Variants in ASTN1 observed in about 807,000 individuals in gnomAD.
ASTN1 encodes the protein astrotactin-1.
ASTN1 carries 41 observed loss-of-function variants against 140.7 expected under a neutral mutation model. That is an observed-to-expected ratio of 0.29 (90% CI 0.23 to 0.38). The LOEUF (loss-of-function observed/expected upper bound fraction) is 0.38. ASTN1 is among the 10% of genes least tolerant of loss of function. The pLI is 1.00. For synonymous variants in ASTN1, 640 were observed against 652.2 expected (o/e 0.98, Z 0.29); for missense variants, 1,479 against 1,678.8 (o/e 0.88, Z 2.08).
rs535691186 is a variant in ASTN1 at position 176,999,323 on chromosome 1, T to C, written c.1523+15468A>G. ...AAGACAAAATCCCAAGCTAGGGCCATGGCCATTTATGGAGACTTCTCCAGG... is the reference window on the plus strand; with the variant it reads ...AAGACAAAATCCCAAGCTAGGGCCACGGCCATTTATGGAGACTTCTCCAGG... On this transcript the variant is annotated intron_variant, in intron 8 of 22. Transcript: ENST00000361833. 1.4e-4 allele frequency among the ~76,000 whole-genome samples: 22 copies of C among 152,320 alleles called. 1 individual carries two copies. The South Asian group carries it at 4.1e-3, about 29-fold the overall frequency.
At chr1:176,860,372 C>A (rs1358169323), downstream of ASTN1, among the ~76,000 whole-genome samples, 1 of 152,214 alleles carries the variant, frequency 6.6e-6, no homozygotes, top group African/African-American at 2.4e-5. Flanking sequence ...CTGATCATTA[C>A]TTTTCAAGAG....
chr1:176,936,052 C>G (rs1164073091), intron 15 of ASTN1: 5 of 629,030 alleles, frequency 7.9e-6, no homozygotes, highest in Non-Finnish European at 1.5e-5. Context: ...CTTCTGTAGT[C>G]CAAGATAACA....
intron 1 of ASTN1, among the ~76,000 whole-genome samples, chr1:177,065,041 T>C (rs536512821): frequency 6.6e-6 from 1 of 152,306 alleles, no homozygotes; most frequent in Non-Finnish European, 1.5e-5. Flanking sequence ...AAGCCTGCCA[T>C]GAGGCTCGCA....
At chr1:177,125,450 C>A (rs1421872146) in intron 1 of ASTN1, among the ~76,000 whole-genome samples, 1 of 152,096 alleles carries the variant, frequency 6.6e-6, no homozygotes, top group Non-Finnish European at 1.5e-5. Flanking sequence ...TTGACAAAGG[C>A]CAAGTAGTCT....
At chr1:176,925,375 A>G (rs1011770920) in intron 16 of ASTN1, among the ~76,000 whole-genome samples, 4 of 152,186 alleles carry the variant, frequency 2.6e-5, no homozygotes, top group Non-Finnish European at 4.4e-5. Flanking sequence ...CTTGGAACTA[A>G]CAGCTTTGGC....
At chr1:177,074,485 A>G (rs1678794621) in intron 1 of ASTN1, among the ~76,000 whole-genome samples, 1 of 152,206 alleles carries the variant, frequency 6.6e-6, no homozygotes, top group African/African-American at 2.4e-5. Context: ...CAGGACACTC[A>G]TTCAGGCTTG....
chr1:177,136,172 G>A (rs1223952803), intron 1 of ASTN1, among the ~76,000 whole-genome samples: 5 of 152,126 alleles, frequency 3.3e-5, no homozygotes, highest in Non-Finnish European at 7.4e-5. Flanking sequence ...ACAAGTCACT[G>A]TGACAGACTT....
intron 16 of ASTN1, among the ~76,000 whole-genome samples, chr1:176,926,992 A>C (rs114182729): frequency 6.6e-6 from 1 of 152,196 alleles, no homozygotes; most frequent in Non-Finnish European, 1.5e-5. Flanking sequence ...AGAGGAACCA[A>C]TTTAGTCTTC....
chr1:176,868,741 C>A (rs1212350468), intron 22 of ASTN1, 103 bp downstream of exon 22: 2 of 1,279,604 alleles, frequency 1.6e-6, no homozygotes, highest in Non-Finnish European at 2.1e-6. Context: ...ATTGCCTAAG[C>A]TCATCCAGGA....
At chr1:177,163,791 G>A (rs1238066872) in intron 1 of ASTN1, among the ~76,000 whole-genome samples, 1 of 152,194 alleles carries the variant, frequency 6.6e-6, no homozygotes. Flanking sequence ...AAGCATGGAG[G>A]TAGGACTTCC....
At chr1:177,156,249 A>G (rs1284420524) in intron 1 of ASTN1, among the ~76,000 whole-genome samples, 8 of 151,656 alleles carry the variant, frequency 5.3e-5, no homozygotes, top group African/African-American at 1.9e-4. Flanking sequence ...CAGCGTGGGC[A>G]ACAAGGTGAG....
Position 177,129,182 on chromosome 1 carries a change from T to G in ASTN1, c.283+35212A>C, listed in dbSNP as rs191085252. Among the ~76,000 whole-genome samples the G allele has an allele frequency of 5.3e-5, 8 of 152,276 alleles. No individual in the cohort carries two copies. The East Asian group carries it at 1.5e-3, about 29-fold the overall frequency. ...AATACACTCCAAGCAGTGTAAAAAT[T>G]TCCCAGTAGGCATATGTAAGGGATA... On this transcript the variant is annotated intron_variant, in intron 1 of 22. Transcript: ENST00000361833.
chr1:177,142,609 A>T (rs1031375051), intron 1 of ASTN1, among the ~76,000 whole-genome samples: 10 of 152,208 alleles, frequency 6.6e-5, no homozygotes, highest in African/African-American at 2.4e-4. Context: ...CTTCACATTC[A>T]AAATGTTACA....
intron 1 of ASTN1, among the ~76,000 whole-genome samples, chr1:177,065,437 A>G (rs1288629626): frequency 6.6e-6 from 1 of 152,214 alleles, no homozygotes; most frequent in Non-Finnish European, 1.5e-5. Context: ...CATGGTCCCT[A>G]TTCTCAAAGA....
At chr1:176,907,285 G>A (rs544306367) in intron 16 of ASTN1, among the ~76,000 whole-genome samples, 3 of 152,250 alleles carry the variant, frequency 2.0e-5, no homozygotes, top group Admixed American at 6.5e-5. Flanking sequence ...TGGTCAGAAC[G>A]CTTTTTATAA....
rs1382114705 is a variant in ASTN1, at chr1:177,023,481, G to A, written c.1361C>T (p.Ser454Phe). 6.2e-7 allele frequency: 1 copy of A among 1,612,766 alleles called. No homozygotes were observed. Among genetic ancestry groups the A allele is most frequent in the East Asian group, 2.2e-5 (1 of 44,788 alleles). Residue 454 changes from serine (S) to phenylalanine (F), a missense_variant, in exon 7 of 23, where the codon TCC (serine) becomes TTC (phenylalanine). Around this residue, in one of 3 missense-constraint regions of ASTN1, gnomAD observed 729 missense variants for 860.4 expected, o/e 0.85. Coordinates refer to ENST00000361833, the MANE Select transcript of ASTN1 (RefSeq NM_004319.3). ...AQVVLFSQQN[S>F]SGPWAMDLCA... is the part of the protein sequence containing the mutation. ...GAGGTCCATGGCCCAGGGTCCGCTG[G>A]AGTTCTGCTGAGAGAAGAGAACCAC...
In ASTN1 at chr1:176,931,418, A is replaced by G. The variant is rs180745053; in HGVS notation, c.2671+2734T>C. Among the ~76,000 whole-genome samples, 4 of 152,338 alleles carry G rather than the reference A, an allele frequency of 2.6e-5. No homozygotes were observed. The East Asian group carries it at 7.7e-4, about 29-fold the overall frequency. Reference sequence around the variant, plus strand: ...GAGGCGGAGGTTGCGGTGAGCCGAGATCACGCCATTGCACTACAGCCTGGG... The same window carrying G: ...GAGGCGGAGGTTGCGGTGAGCCGAGGTCACGCCATTGCACTACAGCCTGGG... On this transcript the variant is annotated intron_variant, in intron 16 of 22. Coordinates refer to ENST00000361833, the MANE Select transcript of ASTN1 (RefSeq NM_004319.3).
chr1:176,910,738 C>G (rs55762984), intron 16 of ASTN1, among the ~76,000 whole-genome samples: 6,618 of 152,242 alleles, frequency 0.043, 434 homozygotes, highest in African/African-American at 0.15. Flanking sequence ...ATGACTGGTA[C>G]CAGTCCATGG....
chr1:176,958,388 A>C lies in ASTN1; in HGVS notation c.1693T>G (p.Cys565Gly), dbSNP rs1672510291. ...AELAINPSAK[C>G]KTDMTVMEDA... is the part of the protein sequence containing the mutation. ...TCCATCACAGTCATGTCCGTCTTGC[A>C]CTTTGCTGATGGATTGATGGCCAGT... Residue 565 changes from cysteine (C) to glycine (G), a missense_variant, in exon 10 of 23, where the codon TGC (cysteine) becomes GGC (glycine). Cys to Gly is a radical substitution (Grantham distance 159). Transcript: ENST00000361833. 1 of 1,614,130 alleles carries C rather than the reference A, an allele frequency of 6.2e-7. No homozygotes were observed. The highest frequency in any genetic ancestry group is 8.5e-7 in the Non-Finnish European group (1 of 1,179,996).
Sources: gnomAD v4.1 joint callset for allele counts (sites outside exome capture counted in the v4.1 genomes callset) on GRCh38, gnomAD v4.1.1 for gene constraint, gnomAD v4.1.1 regional missense constraint, MANE v1.5 for transcripts, NCBI Gene and HGNC (gene_info 2026-07-23, HGNC 2026-07-21) for gene names.